The following STAM variants were observed in gnomAD, a reference collection of about 807,000 sequenced individuals.
STAM encodes signal transducing adapter molecule 1.
Under a neutral mutation model 63.4 loss-of-function variants are expected in STAM, and 16 were observed. The observed-to-expected ratio is 0.25, with a 90% CI of 0.17 to 0.38. The LOEUF (loss-of-function observed/expected upper bound fraction) is 0.38. Among genes scored for constraint, STAM ranks in the 10% least tolerant of loss-of-function variants. The probability of loss-of-function intolerance (pLI) is 1.00; values close to 1 mark genes in which losing one functional copy is unlikely to be tolerated. For missense variants in STAM, 636 were observed against 657.1 expected (o/e 0.97, Z 0.35); for synonymous variants, 238 against 223.9 (o/e 1.06, Z -0.56).
At chr10:17,667,574 C>T (rs1196737715) in intron 2 of STAM, among the ~76,000 whole-genome samples, 2 of 152,160 alleles carry the variant, frequency 1.3e-5, no homozygotes, top group Non-Finnish European at 2.9e-5. Context: ...CATGCTTTGG[C>T]TATACAGTGG....
At chr10:17,711,723 T>A (rs1836562611) in intron 13 of STAM, among the ~76,000 whole-genome samples, 1 of 152,162 alleles carries the variant, frequency 6.6e-6, no homozygotes, top group Non-Finnish European at 1.5e-5. Context: ...GCAGCACACT[T>A]ACCAAGGGTT....
intron 4 of STAM, among the ~76,000 whole-genome samples, chr10:17,686,702 CCTTTT>C (rs1835309843): frequency 6.6e-6 from 1 of 152,112 alleles, no homozygotes; most frequent in Non-Finnish European, 1.5e-5. Context: ...TAAAAAATTT[CCTTTT>C]ATTAAACAAA....
At chr10:17,644,756 G>C (rs1213642672) in intron 1 of STAM, among the ~76,000 whole-genome samples, 1 of 152,248 alleles carries the variant, frequency 6.6e-6, no homozygotes, top group Non-Finnish European at 1.5e-5. Flanking sequence ...TGTACCAAAA[G>C]TGCTTGCCTA....
chr10:17,670,972 T>C (rs782630913), intron 2 of STAM, among the ~76,000 whole-genome samples: 4 of 152,220 alleles, frequency 2.6e-5, no homozygotes, highest in Non-Finnish European at 4.4e-5. Flanking sequence ...TGTACTTTTA[T>C]ATTAGAATTC....
intron 1 of STAM, among the ~76,000 whole-genome samples, chr10:17,648,508 G>A (rs187176932): frequency 2.6e-4 from 40 of 152,302 alleles, no homozygotes; most frequent in Admixed American, 8.5e-4. Flanking sequence ...TCTTGGTGCT[G>A]CTCACTCTTT....
chr10:17,682,716 A>G (rs1256051522), intron 2 of STAM, among the ~76,000 whole-genome samples: 3 of 152,198 alleles, frequency 2.0e-5, no homozygotes, highest in African/African-American at 7.2e-5. Flanking sequence ...AAATGTGTAT[A>G]ATGCCATGGG....
At chr10:17,652,721 A>G (rs1554821684) in intron 1 of STAM, among the ~76,000 whole-genome samples, 1 of 152,094 alleles carries the variant, frequency 6.6e-6, no homozygotes, top group East Asian at 1.9e-4. Context: ...ATTAAAATGC[A>G]CTACCAGACC....
At chr10:17,675,094 C>T (rs1384602556) in intron 2 of STAM, among the ~76,000 whole-genome samples, 1 of 152,188 alleles carries the variant, frequency 6.6e-6, no homozygotes, top group East Asian at 1.9e-4. Context: ...GGAATCTTAA[C>T]TGATTAGGTA....
In STAM at chr10:17,702,585, A is replaced by G. The variant is rs144752574; in HGVS notation, c.913-1846A>G. The stretch of plus-strand genomic sequence containing the variant: ...ATCTTTGAAATATGTGAAGGGGTTT[A>G]TGGGCTTTTAGCAATCTTTTATGGG... On this transcript the variant is annotated intron_variant, in intron 9 of 13. Transcript: ENST00000377524. Among the ~76,000 whole-genome samples, 38 of 152,332 alleles carry G rather than the reference A, an allele frequency of 2.5e-4. No individual in the cohort carries two copies. In the East Asian group the frequency reaches 7.1e-3, roughly 29 times the overall value.
Position 17,711,249 on chromosome 10 carries a change from T to C in STAM, c.1385+2298T>C, listed in dbSNP as rs562624867. Among the ~76,000 whole-genome samples the C allele has an allele frequency of 9.2e-5, 14 of 152,298 alleles. No individual in the cohort carries two copies. In the East Asian group the frequency reaches 1.5e-3, roughly 17 times the overall value. On this transcript the variant is annotated intron_variant, in intron 13 of 13. Coordinates refer to ENST00000377524, the MANE Select transcript of STAM (RefSeq NM_003473.4). ...CATCCTAGGACAGTCTTATTGTTAG[T>C]TGGGGAAGGTGTCACTGATGACGGT...
chr10:17,706,472 G>A (rs1161280705), intron 12 of STAM, among the ~76,000 whole-genome samples: 6 of 142,966 alleles, frequency 4.2e-5, no homozygotes, highest in East Asian at 4.4e-4. Context: ...TCCGCCTTCC[G>A]GGTTCTCGCC....
At chr10:17,646,652 G>C (rs1047455068) in intron 1 of STAM, among the ~76,000 whole-genome samples, 1 of 152,110 alleles carries the variant, frequency 6.6e-6, no homozygotes, top group African/African-American at 2.4e-5. Flanking sequence ...TCAGGTTTTG[G>C]TATTGGACCA....
At chr10:17,670,031 G>A (rs1834573109) in intron 2 of STAM, among the ~76,000 whole-genome samples, 1 of 151,858 alleles carries the variant, frequency 6.6e-6, no homozygotes, top group African/African-American at 2.4e-5. Context: ...CGCCCAGCTG[G>A]GAATTTCCCT....
At chr10:17,676,752 T>C (rs1427083026) in intron 2 of STAM, among the ~76,000 whole-genome samples, 2 of 152,170 alleles carry the variant, frequency 1.3e-5, no homozygotes, top group Non-Finnish European at 2.9e-5. Flanking sequence ...ATAGACACCA[T>C]GCTTGTAATC....
At chr10:17,671,850 T>G (rs1834652263) in intron 2 of STAM, among the ~76,000 whole-genome samples, 1 of 152,204 alleles carries the variant, frequency 6.6e-6, no homozygotes, top group African/African-American at 2.4e-5. Flanking sequence ...AGAGGTGATA[T>G]CCTCATTTTG....
At chr10:17,705,914 A>G (rs1836244242) in intron 12 of STAM, among the ~76,000 whole-genome samples, 173 bp downstream of exon 12, 1 of 151,934 alleles carries the variant, frequency 6.6e-6, no homozygotes, top group South Asian at 2.1e-4. Flanking sequence ...CCAAAAAAAA[A>G]AAAAAAAATT....
At chr10:17,646,304 C>T (rs1372242180) in intron 1 of STAM, among the ~76,000 whole-genome samples, 3 of 152,060 alleles carry the variant, frequency 2.0e-5, no homozygotes, top group Non-Finnish European at 2.9e-5. Flanking sequence ...CACTAGATGC[C>T]GGTGACACCC....
At chr10:17,682,968 A>T (rs1266160460) in intron 2 of STAM, among the ~76,000 whole-genome samples, 1 of 152,098 alleles carries the variant, frequency 6.6e-6, no homozygotes, top group Non-Finnish European at 1.5e-5. Context: ...TAACCGTTTT[A>T]TTATTATGTA....
At position 17,708,761 on chromosome 10, in the gene STAM, C is replaced by A; in HGVS notation, c.1210-15C>A. On this transcript the variant is annotated splice_polypyrimidine_tract_variant and intron_variant, in intron 12 of 13. Coordinates refer to ENST00000377524, the MANE Select transcript of STAM (RefSeq NM_003473.4). ...AATTTTAGAATTGAATATGATTTCTCTTTAACCATCGCAGGTGTATGCAGG... is the reference window on the plus strand; with the variant it reads ...AATTTTAGAATTGAATATGATTTCTATTTAACCATCGCAGGTGTATGCAGG... The A allele has an allele frequency of 6.3e-7, 1 of 1,590,080 alleles. No individual in the cohort carries two copies. The highest frequency in any genetic ancestry group is 1.7e-5 in the Admixed American group (1 of 58,370).
Sources: allele counts gnomAD v4.1 joint callset (sites outside exome capture counted in the v4.1 genomes callset), GRCh38; gene constraint gnomAD v4.1.1; transcripts MANE v1.5; gene names NCBI Gene and HGNC (gene_info 2026-07-23, HGNC 2026-07-21).